Variants in ARMC1 observed in about 807,000 individuals in gnomAD.
The protein encoded by ARMC1 is armadillo repeat containing 1, also known as armadillo repeat-containing protein 1.
A neutral mutation model predicts 31.4 loss-of-function variants in ARMC1; 16 were observed. The ratio of observed to expected loss-of-function variants is 0.51; its 90% CI spans 0.34 to 0.77. The LOEUF is 0.77. Ranked by LOEUF, ARMC1 falls within the 30% of genes least tolerant of loss-of-function variation. The pLI, the probability that ARMC1 is intolerant of heterozygous loss-of-function variation, is 0.01. For missense variants in ARMC1, 259 were observed against 347.5 expected, an observed-to-expected ratio of 0.75 and a Z score of 2.02; for synonymous variants, 114 against 118.9, an observed-to-expected ratio of 0.96 and a Z score of 0.27.
At chr8:65,613,508 A>AACAAG in intron 3 of ARMC1, 75 bp from the exon 4 acceptor site, 1 of 1,078,128 alleles carries the variant, frequency 9.3e-7, no homozygotes, top group Non-Finnish European at 1.3e-6. Flanking sequence ...CACTAAAAGG[A>AACAAG]GCCTTGTTTC....
rs1009515035 is a variant in ARMC1 at position 65,627,508 on chromosome 8, C to T, written c.-35-75G>A. 16 of 788,190 alleles carry T rather than the reference C, an allele frequency of 2.0e-5. No individual in the cohort carries two copies. In the Admixed American group the frequency reaches 4.3e-4, roughly 21 times the overall value. The allele number at this position is 788,190 out of a possible 1,614,324, so 48.8% of individuals were successfully genotyped here. On this transcript the variant is annotated intron_variant, in intron 1 of 6. Coordinates refer to ENST00000276569, the MANE Select transcript of ARMC1 (RefSeq NM_018120.6). ...AGCACTTGTGAAATAACCAGGATTACAACACCTTTAGAAAGAATCAGGTAA... is the reference window on the plus strand; with the variant it reads ...AGCACTTGTGAAATAACCAGGATTATAACACCTTTAGAAAGAATCAGGTAA...
chr8:65,603,109 A>C lies in ARMC1; in HGVS notation c.*1285T>G, dbSNP rs1807928750. On this transcript the variant is annotated 3_prime_UTR_variant, in exon 7 of 7. Coordinates refer to ENST00000276569, the MANE Select transcript of ARMC1 (RefSeq NM_018120.6). ...ATTTGTTTTTACTCATATCAACATT[A>C]ATATGTATCTGGATTTATTAATTTC... The C allele has an allele frequency of 6.6e-6, 1 of 152,200 alleles. No individual in the cohort carries two copies. Among genetic ancestry groups the C allele is most frequent in the Non-Finnish European group, 1.5e-5 (1 of 68,022 alleles). The allele number at this position is 152,200 out of a possible 1,614,324, so 9.4% of individuals were successfully genotyped here. A position where few individuals can be genotyped will look rare whatever the true frequency, so the allele number is the denominator to read the frequency against.
chr8:65,610,460 C>G (rs1379511950), intron 4 of ARMC1, among the ~76,000 whole-genome samples: 1 of 151,964 alleles, frequency 6.6e-6, no homozygotes, highest in African/African-American at 2.4e-5. Flanking sequence ...CTTTGGAGAC[C>G]AAAGCAGGCA....
Position 65,605,602 on chromosome 8 carries a change from C to T in ARMC1, c.466-64G>A, listed in dbSNP as rs1807985732. On this transcript the variant is annotated intron_variant, in intron 4 of 6. Transcript: ENST00000276569. ...ATAAAAGGTAATAAATCAGTGAAAA[C>T]CAAGCTATATTTTGGAGGGGGGAAG... 5.8e-6 allele frequency: 7 copies of T among 1,198,844 alleles called. No individual in the cohort carries two copies. The Admixed American group carries it at 1.3e-4, about 22-fold the overall frequency. 74.3% of individuals were successfully genotyped at this position (1,198,844 alleles called of 1,614,324 possible).
chr8:65,618,819 G>A (rs556494786), intron 3 of ARMC1, among the ~76,000 whole-genome samples: 9 of 152,008 alleles, frequency 5.9e-5, no homozygotes, highest in East Asian at 5.8e-4. Flanking sequence ...CGAGGTGAGC[G>A]GATCATGAGG....
intron 1 of ARMC1, among the ~76,000 whole-genome samples, chr8:65,629,029 C>T (rs953561689): frequency 2.0e-5 from 3 of 151,828 alleles, no homozygotes; most frequent in African/African-American, 7.3e-5. Context: ...TGGTGGGTGC[C>T]TGTAATCTCA....
intron 4 of ARMC1, among the ~76,000 whole-genome samples, chr8:65,608,314 G>C (rs1006662603): frequency 6.6e-6 from 1 of 152,148 alleles, no homozygotes. Context: ...ATCACCTGAG[G>C]TCAGGAGTTC....
intron 4 of ARMC1, among the ~76,000 whole-genome samples, chr8:65,612,678 A>G (rs767511159): frequency 1.3e-5 from 2 of 150,378 alleles, no homozygotes; most frequent in Admixed American, 6.6e-5. Flanking sequence ...CCTGGCCAAC[A>G]TGGTGATACC....
At chr8:65,618,613 TC>T (rs1808327505) in intron 3 of ARMC1, among the ~76,000 whole-genome samples, 1 of 151,966 alleles carries the variant, frequency 6.6e-6, no homozygotes, top group Non-Finnish European at 1.5e-5. Flanking sequence ...TGGAATTATG[TC>T]CCCACCCAAA....
At chr8:65,604,620 C>T in intron 6 of ARMC1, 35 bp from the exon 7 acceptor site, 26 of 1,579,876 alleles carry the variant, frequency 1.6e-5, no homozygotes, top group Non-Finnish European at 2.3e-5. Flanking sequence ...ATTACAAAAT[C>T]AACTTTACTC....
intron 4 of ARMC1, among the ~76,000 whole-genome samples, chr8:65,609,857 C>CAAAAAAAA (rs35519675): frequency 4.3e-5 from 4 of 93,058 alleles, no homozygotes; most frequent in Admixed American, 1.3e-4. Context: ...GACTCTGTCT[C>CAAAAAAAA]AAAAAAAAAA....
intron 4 of ARMC1, among the ~76,000 whole-genome samples, chr8:65,609,318 T>C (rs1027560589): frequency 3.9e-5 from 6 of 152,166 alleles, no homozygotes; most frequent in African/African-American, 1.4e-4. Context: ...TGATTTGTGC[T>C]AGCTTTAAAA....
intron 3 of ARMC1, among the ~76,000 whole-genome samples, chr8:65,613,666 A>G (rs969806301): frequency 7.2e-5 from 11 of 152,194 alleles, no homozygotes; most frequent in African/African-American, 2.7e-4. Context: ...AACACTATAG[A>G]GGTATAAAAA....
intron 2 of ARMC1, 99 bp downstream of exon 2, chr8:65,627,117 C>G: frequency 8.7e-7 from 1 of 1,152,712 alleles, no homozygotes; most frequent in East Asian, 2.4e-5. Context: ...ACTAATTGCT[C>G]TCTTTCCGTT....
Position 65,604,649 on chromosome 8 carries a change from G to A in ARMC1, c.658-64C>T, listed in dbSNP as rs138458929. The A allele has an allele frequency of 4.4e-5, 64 of 1,446,234 alleles. No individual in the cohort carries two copies. The Admixed American group carries it at 1.3e-3, about 28-fold the overall frequency. The allele number at this position is 1,446,234 out of a possible 1,614,324, so 89.6% of individuals were successfully genotyped here. On this transcript the variant is annotated intron_variant, in intron 6 of 6. Transcript: ENST00000276569. ...TTTACTCCTTATTCTAATTACCGTGGTTATTCTCAGGGTAAATTTTCCTCT... is the reference window on the plus strand; with the variant it reads ...TTTACTCCTTATTCTAATTACCGTGATTATTCTCAGGGTAAATTTTCCTCT...
chr8:65,631,359 C>G (rs1473850592), intron 1 of ARMC1, among the ~76,000 whole-genome samples: 1 of 152,176 alleles, frequency 6.6e-6, no homozygotes. Flanking sequence ...CTCAACCTCC[C>G]AAGTAGCTGG....
intron 3 of ARMC1, 97 bp from the exon 4 acceptor site, chr8:65,613,530 T>C: frequency 3.9e-6 from 3 of 772,608 alleles, no homozygotes; most frequent in Admixed American, 3.0e-5. Context: ...TTTACTCTAA[T>C]GCCTTGTTCA....
intron 3 of ARMC1, among the ~76,000 whole-genome samples, chr8:65,616,289 C>G (rs1808255106): frequency 6.6e-6 from 1 of 152,198 alleles, no homozygotes; most frequent in African/African-American, 2.4e-5. Context: ...CGCGCTGCCA[C>G]GCCTGACTGG....
chr8:65,611,047 C>G (rs1585705339), intron 4 of ARMC1, among the ~76,000 whole-genome samples: 2 of 152,056 alleles, frequency 1.3e-5, no homozygotes, highest in African/African-American at 4.8e-5. Context: ...GATTCTCCTG[C>G]CTCAGCCTCC....
Sources: allele counts gnomAD v4.1 joint callset (sites outside exome capture counted in the v4.1 genomes callset), GRCh38; gene constraint gnomAD v4.1.1; transcripts MANE v1.5; gene names NCBI Gene and HGNC (gene_info 2026-07-23, HGNC 2026-07-21).